PLXDC2: variants seen among roughly 807,000 people sequenced by gnomAD.
PLXDC2 encodes plexin domain-containing protein 2.
PLXDC2 carries 40 observed loss-of-function variants against 68.9 expected under a neutral mutation model. That is an observed-to-expected ratio of 0.58 (90% CI 0.45 to 0.76). PLXDC2 has a LOEUF of 0.76. Among genes scored for constraint, PLXDC2 ranks in the 30% least tolerant of loss-of-function variants. The pLI is 0.00. For missense variants in PLXDC2, 644 were observed against 661.9 expected (o/e 0.97, Z 0.30); for synonymous variants, 243 against 234.2 (o/e 1.04, Z -0.34).
At chr10:20,149,249 T>TTTTTTTTTTTTTTTG in intron 6 of PLXDC2, among the ~76,000 whole-genome samples, 1 of 134,264 alleles carries the variant, frequency 7.4e-6, no homozygotes, top group Non-Finnish European at 1.6e-5. Flanking sequence ...TTTTTTTTTT[T>TTTTTTTTTTTTTTTG]TTTTTTGAGT....
chr10:19,882,356 C>G (rs1837743459), intron 1 of PLXDC2, among the ~76,000 whole-genome samples: 1 of 152,156 alleles, frequency 6.6e-6, no homozygotes, highest in Non-Finnish European at 1.5e-5. Context: ...CAGGGAATTT[C>G]CATTCTCTAA....
intron 13 of PLXDC2, among the ~76,000 whole-genome samples, chr10:20,257,791 T>A (rs1337585607): frequency 6.6e-6 from 1 of 152,120 alleles, no homozygotes; most frequent in Non-Finnish European, 1.5e-5. Flanking sequence ...TATGTCCTTT[T>A]CACAAATTTC....
At chr10:19,944,884 G>A (rs374018407) in intron 1 of PLXDC2, among the ~76,000 whole-genome samples, 12 of 152,290 alleles carry the variant, frequency 7.9e-5, no homozygotes, top group African/African-American at 2.4e-4. Context: ...CCCGGAAGGC[G>A]GAGGTTGCAG....
At chr10:20,056,623 A>G (rs773776985) in intron 3 of PLXDC2, among the ~76,000 whole-genome samples, 25 of 152,194 alleles carry the variant, frequency 1.6e-4, no homozygotes, top group Non-Finnish European at 1.9e-4. Context: ...AGCTGCCTTA[A>G]GAAATTCACA....
intron 1 of PLXDC2, among the ~76,000 whole-genome samples, chr10:19,902,319 C>T (rs1338402072): frequency 6.6e-6 from 1 of 152,088 alleles, no homozygotes; most frequent in African/African-American, 2.4e-5. Context: ...GATGTGTTTG[C>T]ATTTGTTTGT....
chr10:20,207,531 G>A lies in PLXDC2; in HGVS notation c.1062-4138G>A, dbSNP rs374311553. Among the ~76,000 whole-genome samples the A allele has an allele frequency of 5.9e-5, 9 of 152,224 alleles. No homozygotes were observed. In the East Asian group the frequency reaches 1.5e-3, roughly 26 times the overall value. ...GATCTGTTCCATTGAATTACTTATG[G>A]TTATGGTCAGGTGGCTCCCAAGAAA... On this transcript the variant is annotated intron_variant, in intron 9 of 13. Coordinates refer to ENST00000377252, the MANE Select transcript of PLXDC2 (RefSeq NM_032812.9).
chr10:20,105,209 A>T (rs1282322109), intron 4 of PLXDC2, among the ~76,000 whole-genome samples: 1 of 152,152 alleles, frequency 6.6e-6, no homozygotes, highest in Non-Finnish European at 1.5e-5. Context: ...GTGAAATAGT[A>T]TTCATTTTCG....
At chr10:20,193,708 GA>G (rs1336949759) in intron 9 of PLXDC2, among the ~76,000 whole-genome samples, 2 of 152,050 alleles carry the variant, frequency 1.3e-5, no homozygotes, top group East Asian at 3.9e-4. Context: ...ACAAGTCTAA[GA>G]GTGCTTCTGT....
chr10:20,277,451 T>A (rs1035445007), intron 13 of PLXDC2, among the ~76,000 whole-genome samples: 6 of 152,102 alleles, frequency 3.9e-5, no homozygotes, highest in Non-Finnish European at 8.8e-5. Context: ...AAGGCAATTA[T>A]CTCAGGCAAG....
At chr10:19,863,446 T>G (rs1420957130) in intron 1 of PLXDC2, among the ~76,000 whole-genome samples, 1 of 152,210 alleles carries the variant, frequency 6.6e-6, no homozygotes, top group African/African-American at 2.4e-5. Context: ...AAATTATATT[T>G]GATGTTGTGA....
At chr10:20,051,076 T>C (rs1564296814) in intron 3 of PLXDC2, among the ~76,000 whole-genome samples, 1 of 152,048 alleles carries the variant, frequency 6.6e-6, no homozygotes, top group Non-Finnish European at 1.5e-5. Flanking sequence ...CAAGATCATG[T>C]CTTTTGTGGG....
intron 1 of PLXDC2, among the ~76,000 whole-genome samples, chr10:19,880,119 C>A (rs566978970): frequency 6.6e-6 from 1 of 152,046 alleles, no homozygotes; most frequent in African/African-American, 2.4e-5. Flanking sequence ...TACTCTTTGA[C>A]GTGTATTTAC....
intron 1 of PLXDC2, among the ~76,000 whole-genome samples, chr10:19,931,595 C>T (rs1365379162): frequency 1.3e-5 from 2 of 152,128 alleles, no homozygotes; most frequent in African/African-American, 4.8e-5. Flanking sequence ...TAGGTTTGGC[C>T]TTATGTATAT....
At chr10:20,082,045 G>GAAAAAAAAAA (rs1439512108) in intron 4 of PLXDC2, among the ~76,000 whole-genome samples, 7 of 9,590 alleles carry the variant, frequency 7.3e-4, no homozygotes, top group Admixed American at 3.4e-3. Flanking sequence ...AACTCCATCT[G>GAAAAAAAAAA]AAAAAAAAAA....
chr10:20,160,119 A>G (rs1042246801), intron 6 of PLXDC2, among the ~76,000 whole-genome samples: 1 of 152,198 alleles, frequency 6.6e-6, no homozygotes, highest in Admixed American at 6.5e-5. Context: ...AATATATTCA[A>G]TTAATATCTG....
chr10:19,908,396 G>C (rs887122264), intron 1 of PLXDC2, among the ~76,000 whole-genome samples: 2 of 152,070 alleles, frequency 1.3e-5, no homozygotes, highest in African/African-American at 4.8e-5. Flanking sequence ...AATATCACAA[G>C]TATTTTCTGT....
Position 20,151,577 on chromosome 10 carries a change from A to G in PLXDC2, c.783+3675A>G, listed in dbSNP as rs904727821. On this transcript the variant is annotated intron_variant, in intron 6 of 13. Coordinates refer to ENST00000377252, the MANE Select transcript of PLXDC2 (RefSeq NM_032812.9). The stretch of plus-strand genomic sequence containing the variant: ...GACATCTCAACCATTTTCTCTGCCT[A>G]AAGAGATTATGTAAAACAATTCACA... Among the ~76,000 whole-genome samples the G allele has an allele frequency of 2.0e-5, 3 of 152,156 alleles. No individual in the cohort carries two copies. The East Asian group carries it at 5.8e-4, about 29-fold the overall frequency.
chr10:20,099,228 A>G (rs1382332832), intron 4 of PLXDC2, among the ~76,000 whole-genome samples: 3 of 152,230 alleles, frequency 2.0e-5, no homozygotes, highest in African/African-American at 7.2e-5. Context: ...GAAGGAAAAC[A>G]GTATCACCAT....
chr10:20,146,467 C>G (rs1159620816), intron 5 of PLXDC2, among the ~76,000 whole-genome samples: 2 of 129,858 alleles, frequency 1.5e-5, no homozygotes, highest in East Asian at 4.3e-4. Context: ...TCCTTCCTTC[C>G]TTTCTTTCTT....
Sources: gnomAD v4.1 joint callset for allele counts (sites outside exome capture counted in the v4.1 genomes callset) on GRCh38, gnomAD v4.1.1 for gene constraint, MANE v1.5 for transcripts, NCBI Gene and HGNC (gene_info 2026-07-23, HGNC 2026-07-21) for gene names.